Variants in IGSF11 observed in about 807,000 individuals in gnomAD.
IGSF11 encodes CXADR like 1.
Under a neutral mutation model 41.0 loss-of-function variants are expected in IGSF11, and 22 were observed. The ratio of observed to expected loss-of-function variants is 0.54; its 90% CI spans 0.38 to 0.77. IGSF11 has a LOEUF of 0.77. Among genes scored for constraint, IGSF11 ranks in the 30% least tolerant of loss-of-function variants. The pLI, the probability that IGSF11 is intolerant of heterozygous loss-of-function variation, is 0.00. For missense variants in IGSF11, 444 were observed against 530.8 expected (o/e 0.84, Z 1.61); for synonymous variants, 219 against 201.3 (o/e 1.09, Z -0.74).
chr3:119,003,575 T>C (rs1165998875), intron 1 of IGSF11, among the ~76,000 whole-genome samples: 1 of 151,234 alleles, frequency 6.6e-6, no homozygotes, highest in African/African-American at 2.5e-5. Flanking sequence ...TTTTTGCCCA[T>C]TCAGTATGAT....
At chr3:118,920,944 A>G (rs1198490690) in intron 4 of IGSF11, among the ~76,000 whole-genome samples, 1 of 152,168 alleles carries the variant, frequency 6.6e-6, no homozygotes, top group African/African-American at 2.4e-5. Flanking sequence ...TTTGATATTC[A>G]TCAAGTACAT....
chr3:119,044,371 G>A (rs939551100), intron 1 of IGSF11, among the ~76,000 whole-genome samples: 1 of 151,796 alleles, frequency 6.6e-6, no homozygotes, highest in Non-Finnish European at 1.5e-5. Flanking sequence ...AAGAAAAAAA[G>A]AATTTTTAAA....
intron 1 of IGSF11, among the ~76,000 whole-genome samples, chr3:119,137,323 T>C (rs2077576475): frequency 6.6e-6 from 1 of 152,114 alleles, no homozygotes; most frequent in East Asian, 1.9e-4. Context: ...CAAATTATAC[T>C]AAAGATCTAT....
intron 1 of IGSF11, among the ~76,000 whole-genome samples, chr3:118,986,160 A>G (rs1390125880): frequency 6.6e-6 from 1 of 152,162 alleles, no homozygotes; most frequent in Non-Finnish European, 1.5e-5. Flanking sequence ...CCACAGTTCA[A>G]AAATCCATTG....
intron 1 of IGSF11, among the ~76,000 whole-genome samples, chr3:119,017,304 T>C (rs1173592036): frequency 6.6e-6 from 1 of 151,702 alleles, no homozygotes; most frequent in Admixed American, 6.6e-5. Context: ...ACATCTGAAC[T>C]ATATGGTGGA....
intron 1 of IGSF11, among the ~76,000 whole-genome samples, chr3:119,094,253 T>G (rs13100470): frequency 0.5 from 39,995 of 79,436 alleles, 9,588 homozygotes; most frequent in Middle Eastern, 0.64. Context: ...AAAAAAAAAG[T>G]TGTTGTTCAA....
At chr3:118,931,095 A>G (rs1002507137) in intron 1 of IGSF11, among the ~76,000 whole-genome samples, 2 of 152,212 alleles carry the variant, frequency 1.3e-5, no homozygotes, top group African/African-American at 4.8e-5. Context: ...ATGCTTCTCA[A>G]TAAAGGTACA....
At chr3:118,928,865 C>T in intron 2 of IGSF11, 149 bp from the exon 3 acceptor site, 1 of 631,184 alleles carries the variant, frequency 1.6e-6, no homozygotes, top group South Asian at 2.1e-5. Flanking sequence ...TTTTTTTTTA[C>T]AGTATTTGTT....
intron 1 of IGSF11, among the ~76,000 whole-genome samples, chr3:119,096,721 C>T (rs58030138): frequency 0.016 from 2,442 of 152,236 alleles, 78 homozygotes; most frequent in African/African-American, 0.056. Flanking sequence ...TACTAAATGC[C>T]AAGGCGTATC....
chr3:119,093,525 C>T (rs2076799071), intron 1 of IGSF11, among the ~76,000 whole-genome samples: 1 of 152,054 alleles, frequency 6.6e-6, no homozygotes, highest in Admixed American at 6.5e-5. Context: ...TCTTTAATAA[C>T]CACGAGGTAT....
chr3:119,056,348 A>G (rs985099848), intron 1 of IGSF11, among the ~76,000 whole-genome samples: 1 of 152,220 alleles, frequency 6.6e-6, no homozygotes, highest in Non-Finnish European at 1.5e-5. Context: ...AAACACCTCT[A>G]TGCAAATAAA....
chr3:119,111,638 C>T (rs1175148527), intron 1 of IGSF11, among the ~76,000 whole-genome samples: 1 of 152,244 alleles, frequency 6.6e-6, no homozygotes, highest in Non-Finnish European at 1.5e-5. Context: ...TGGTGAGGAA[C>T]TGCGTTCCTT....
intron 1 of IGSF11, among the ~76,000 whole-genome samples, chr3:119,059,207 A>ACACACACC (rs755839793): frequency 1.4e-5 from 2 of 144,508 alleles, no homozygotes; most frequent in African/African-American, 5.1e-5. Context: ...ACACACACAC[A>ACACACACC]CCACACCATG....
At chr3:119,074,352 C>A (rs1166570559) in intron 1 of IGSF11, among the ~76,000 whole-genome samples, 1 of 151,780 alleles carries the variant, frequency 6.6e-6, no homozygotes, top group Admixed American at 6.6e-5. Context: ...AAATTAATAC[C>A]AAAAGGTCTC....
chr3:119,060,334 G>T (rs374097890), intron 1 of IGSF11, among the ~76,000 whole-genome samples: 48 of 152,162 alleles, frequency 3.2e-4, no homozygotes, highest in African/African-American at 1.1e-3. Context: ...TTTTAAACCA[G>T]CAACATCCAA....
At position 119,054,609 on chromosome 3, in the gene IGSF11, G is replaced by A. The variant is rs996027924; in HGVS notation, c.49+50535C>T. Among the ~76,000 whole-genome samples, 8 of 152,278 alleles carry A rather than the reference G, an allele frequency of 5.3e-5. 1 individual carries two copies. The highest frequency in any genetic ancestry group is 3.9e-4 in the East Asian group (2 of 5,184). ...AATGTAAACTAGTACAACCACTATG[G>A]AAAACAGTGTAGAGGCTCCTTAAAG... On this transcript the variant is annotated intron_variant, in intron 1 of 6. Transcript: ENST00000354673.
chr3:119,106,882 C>T (rs1469853232), upstream of IGSF11, among the ~76,000 whole-genome samples: 1 of 152,138 alleles, frequency 6.6e-6, no homozygotes, highest in Non-Finnish European at 1.5e-5. Flanking sequence ...ATGATGATTT[C>T]CAATTTCATC....
chr3:118,925,053 A>G (rs149144204), intron 4 of IGSF11, among the ~76,000 whole-genome samples: 31 of 152,322 alleles, frequency 2.0e-4, no homozygotes, highest in African/African-American at 7.0e-4. Flanking sequence ...TATTGCAGGA[A>G]TCACTCTTAA....
rs535471894 is a variant in IGSF11 at position 119,048,375 on chromosome 3, C to T, written c.49+56769G>A. Among the ~76,000 whole-genome samples the T allele has an allele frequency of 4.4e-4, 67 of 152,072 alleles. No homozygotes were observed. The East Asian group carries it at 6.2e-3, about 14-fold the overall frequency. On this transcript the variant is annotated intron_variant, in intron 1 of 6. Transcript: ENST00000354673. ...TCAGAGAATACTACAAACACCTCTA[C>T]GCAAATAAACTAGAAAATCTAGAAG...
Sources: allele counts gnomAD v4.1 joint callset (sites outside exome capture counted in the v4.1 genomes callset), GRCh38; gene constraint gnomAD v4.1.1; transcripts MANE v1.5; gene names NCBI Gene and HGNC (gene_info 2026-07-23, HGNC 2026-07-21).